NRXN3: variants seen among roughly 807,000 people sequenced by gnomAD.
The protein encoded by NRXN3 is neurexin 3.
A neutral mutation model predicts 137.6 loss-of-function variants in NRXN3; 32 were observed. That is an observed-to-expected ratio of 0.23 (90% CI 0.18 to 0.31). The LOEUF (loss-of-function observed/expected upper bound fraction) is 0.31, where lower values mean the gene tolerates loss of function less well. Ranked by LOEUF, NRXN3 falls within the 10% of genes least tolerant of loss-of-function variation. The pLI, the probability that NRXN3 is intolerant of heterozygous loss-of-function variation, is 1.00. For synonymous variants in NRXN3, 798 were observed against 784.5 expected, an observed-to-expected ratio of 1.02 and a Z score of -0.29; for missense variants, 1,574 against 2,062.5, an observed-to-expected ratio of 0.76 and a Z score of 4.59.
At chr14:79,441,626 C>T (rs546829687) in intron 15 of NRXN3, among the ~76,000 whole-genome samples, 10 of 151,678 alleles carry the variant, frequency 6.6e-5, no homozygotes, top group East Asian at 5.8e-4. Flanking sequence ...GTGATCTGCC[C>T]GCCGCGGCCT....
intron 15 of NRXN3, among the ~76,000 whole-genome samples, chr14:79,399,041 A>G (rs1301112150): frequency 3.3e-5 from 5 of 151,762 alleles, no homozygotes; most frequent in African/African-American, 9.7e-5. Flanking sequence ...GAAGAAAAAA[A>G]AAAAGCTGGG....
intron 10 of NRXN3, among the ~76,000 whole-genome samples, chr14:78,870,425 G>A (rs770147286): frequency 1.3e-4 from 20 of 151,996 alleles, no homozygotes; most frequent in Admixed American, 4.6e-4. Context: ...ATATTTATGG[G>A]GTATATGTGA....
In NRXN3 at chr14:78,700,780, TTTTC is replaced by T. The variant is rs201515344; in HGVS notation, c.1222-8421_1222-8418del. 9.5e-3 allele frequency among the ~76,000 whole-genome samples: 1,443 copies of T among 152,170 alleles called. 17 individuals are homozygous for T. Among genetic ancestry groups the T allele is most frequent in the African/African-American group, 0.032 (1,336 of 41,532 alleles). Reference sequence around the variant, plus strand: ...ACTTGATTGACTGGAAACTTTTTCTTTTTCTTTCTTTCTTTCTTTTTTTTTGAGA... The same window carrying T: ...ACTTGATTGACTGGAAACTTTTTCTTTTTCTTTCTTTCTTTTTTTTTGAGA... On this transcript the variant is annotated intron_variant, in intron 6 of 20. Transcript: ENST00000335750.
At chr14:78,999,454 C>T (rs1036926285) in intron 15 of NRXN3, among the ~76,000 whole-genome samples, 1 of 152,058 alleles carries the variant, frequency 6.6e-6, no homozygotes, top group African/African-American at 2.4e-5. Context: ...CTGAGTCTTG[C>T]ATATTTTCAG....
At chr14:79,766,489 C>T (rs2099056423) in intron 19 of NRXN3, among the ~76,000 whole-genome samples, 1 of 152,228 alleles carries the variant, frequency 6.6e-6, no homozygotes, top group South Asian at 2.1e-4. Flanking sequence ...AGTCTTCTCA[C>T]ATAAAGAGAA....
chr14:78,261,162 T>A (rs2070652070), intron 2 of NRXN3, among the ~76,000 whole-genome samples: 1 of 152,134 alleles, frequency 6.6e-6, no homozygotes, highest in African/African-American at 2.4e-5. Flanking sequence ...TGGCATTGAA[T>A]GGGGGCGGGG....
chr14:79,121,716 G>A (rs1178392771), intron 15 of NRXN3, among the ~76,000 whole-genome samples: 3 of 152,148 alleles, frequency 2.0e-5, no homozygotes, highest in African/African-American at 4.8e-5. Context: ...CAATGATCAC[G>A]AAGTGCATCT....
intron 19 of NRXN3, among the ~76,000 whole-genome samples, chr14:79,798,353 C>T (rs2099167193): frequency 1.3e-5 from 2 of 152,200 alleles, no homozygotes; most frequent in East Asian, 1.9e-4. Context: ...GGTCCTCTCT[C>T]ATCTGAGATA....
intron 4 of NRXN3, among the ~76,000 whole-genome samples, chr14:78,429,246 T>A (rs111389085): frequency 6.5e-4 from 98 of 151,266 alleles, no homozygotes; most frequent in Middle Eastern, 3.4e-3. Context: ...ATATATATAT[T>A]TTTTGTATAT....
intron 15 of NRXN3, among the ~76,000 whole-genome samples, chr14:79,334,100 T>A (rs1337053203): frequency 1.3e-5 from 2 of 152,204 alleles, no homozygotes; most frequent in Non-Finnish European, 2.9e-5. Flanking sequence ...TACTATGTCC[T>A]AGGCACTGTG....
chr14:78,186,150 T>A (rs1309421252), intron 1 of NRXN3, among the ~76,000 whole-genome samples: 1 of 152,210 alleles, frequency 6.6e-6, no homozygotes, highest in Non-Finnish European at 1.5e-5. Flanking sequence ...GAGGTACATT[T>A]GACACATCTT....
intron 4 of NRXN3, among the ~76,000 whole-genome samples, chr14:78,500,427 G>A (rs1343930832): frequency 6.6e-6 from 1 of 152,176 alleles, no homozygotes; most frequent in Non-Finnish European, 1.5e-5. Flanking sequence ...TTAATGATCT[G>A]GAAGCAAGTA....
rs1467982802 is a variant in NRXN3, at chr14:78,827,235, T to C, written c.2275+16891T>C. Among the ~76,000 whole-genome samples the C allele has an allele frequency of 2.0e-5, 3 of 151,084 alleles. No homozygotes were observed. The East Asian group carries it at 5.9e-4, about 30-fold the overall frequency. On this transcript the variant is annotated intron_variant, in intron 10 of 20. Transcript: ENST00000335750. ...TGGATATTCTCACACCAATGTACTATTGCTGCAGAAATCCTTTGGGCTAAC... is the reference window on the plus strand; with the variant it reads ...TGGATATTCTCACACCAATGTACTACTGCTGCAGAAATCCTTTGGGCTAAC...
intron 4 of NRXN3, among the ~76,000 whole-genome samples, chr14:78,389,298 C>T (rs768363511): frequency 1.6e-4 from 24 of 152,094 alleles, no homozygotes; most frequent in Non-Finnish European, 2.6e-4. Context: ...TCAGGTGATC[C>T]GTCCTCCTCA....
intron 16 of NRXN3, among the ~76,000 whole-genome samples, chr14:79,656,185 G>T (rs183042790): frequency 6.6e-6 from 1 of 152,262 alleles, no homozygotes; most frequent in Non-Finnish European, 1.5e-5. Flanking sequence ...AAGACCGCTG[G>T]GTGGTTCCTC....
At chr14:78,895,240 A>T (rs1175624212) in intron 10 of NRXN3, among the ~76,000 whole-genome samples, 1 of 151,808 alleles carries the variant, frequency 6.6e-6, no homozygotes, top group Non-Finnish European at 1.5e-5. Context: ...TGGTGTAGTC[A>T]CCTTCATCAA....
At chr14:79,367,618 A>G (rs1188893227) in intron 15 of NRXN3, among the ~76,000 whole-genome samples, 1 of 152,222 alleles carries the variant, frequency 6.6e-6, no homozygotes, top group East Asian at 1.9e-4. Context: ...TTCATGTCAG[A>G]CACAGTGCCA....
chr14:78,207,021 G>A (rs560669454), intron 1 of NRXN3, among the ~76,000 whole-genome samples: 95 of 152,094 alleles, frequency 6.2e-4, no homozygotes, highest in Middle Eastern at 6.8e-3. Context: ...GCACCACCAT[G>A]CCTGGCTAAT....
intron 20 of NRXN3, among the ~76,000 whole-genome samples, chr14:79,826,456 A>G (rs1213886623): frequency 6.6e-6 from 1 of 152,228 alleles, no homozygotes; most frequent in Non-Finnish European, 1.5e-5. Flanking sequence ...GTACATGCAC[A>G]CATGAGCCAT....
Sources: gnomAD v4.1 joint callset for allele counts (sites outside exome capture counted in the v4.1 genomes callset) on GRCh38, gnomAD v4.1.1 for gene constraint, MANE v1.5 for transcripts, NCBI Gene and HGNC (gene_info 2026-07-23, HGNC 2026-07-21) for gene names.